Variants in ZNF407 observed in about 807,000 individuals in gnomAD.
ZNF407 encodes the protein zinc finger protein 407.
Under a neutral mutation model 131.2 loss-of-function variants are expected in ZNF407, and 17 were observed. That is an observed-to-expected ratio of 0.13 (90% confidence interval 0.09 to 0.19). The LOEUF (loss-of-function observed/expected upper bound fraction) is 0.19. ZNF407 is among the 10% of genes least tolerant of loss of function. ZNF407 has a pLI of 1.00. For synonymous variants in ZNF407, 1,156 were observed against 1,062.0 expected, an observed-to-expected ratio of 1.09 and a Z score of -1.72; for missense variants, 2,681 against 2,830.6, an observed-to-expected ratio of 0.95 and a Z score of 1.20.
At chr18:74,989,483 C>T (rs991195536) in intron 8 of ZNF407, among the ~76,000 whole-genome samples, 1 of 152,198 alleles carries the variant, frequency 6.6e-6, no homozygotes, top group African/African-American at 2.4e-5. Context: ...CGAGAAAGGG[C>T]ACATGCCAAG....
intron 7 of ZNF407, among the ~76,000 whole-genome samples, chr18:74,917,073 T>C (rs1027352218): frequency 1.3e-5 from 2 of 152,118 alleles, no homozygotes; most frequent in African/African-American, 2.4e-5. Flanking sequence ...TTGTTTGTTT[T>C]TGTTTTAGTG....
At chr18:74,886,220 G>A (rs895976349) in intron 6 of ZNF407, among the ~76,000 whole-genome samples, 5 of 152,080 alleles carry the variant, frequency 3.3e-5, no homozygotes, top group Admixed American at 1.3e-4. Flanking sequence ...AAAGATCCTC[G>A]GCACCCTCGG....
intron 3 of ZNF407, among the ~76,000 whole-genome samples, chr18:74,773,509 G>C (rs1307305000): frequency 6.7e-6 from 1 of 148,506 alleles, no homozygotes; most frequent in African/African-American, 2.6e-5. Context: ...GTGATCAAAA[G>C]TGGTTTGGAA....
intron 4 of ZNF407, chr18:74,804,519 A>G (rs1262030903): frequency 2.0e-6 from 2 of 988,032 alleles, no homozygotes; most frequent in African/African-American, 1.7e-5. Context: ...CTCAGATGCA[A>G]AAATACCAGG....
chr18:74,811,492 A>C (rs1395488644), intron 4 of ZNF407, among the ~76,000 whole-genome samples: 3 of 152,184 alleles, frequency 2.0e-5, no homozygotes, highest in Non-Finnish European at 4.4e-5. Flanking sequence ...TAGTACTAGA[A>C]ATACCATTTG....
At position 74,634,379 on chromosome 18, in the gene ZNF407, A is replaced by G; in HGVS notation, c.3360A>G (p.Lys1120=). 1 of 1,613,788 alleles carries G rather than the reference A, an allele frequency of 6.2e-7. No individual in the cohort carries two copies. Among genetic ancestry groups the G allele is most frequent in the Non-Finnish European group, 8.5e-7 (1 of 1,179,880 alleles). The change falls in exon 2 of 9, where the codon AAA becomes AAG. Residue 1120 remains lysine (K), a synonymous_variant. Coordinates refer to ENST00000299687, the MANE Select transcript of ZNF407 (RefSeq NM_017757.3). ...IISGQPSDTL[K]SRNAADCSIL... is the part of the protein sequence containing the mutation. ...CAGGTCAACCATCTGATACTCTTAA[A>G]TCTAGAAATGCTGCAGATTGCTCTA...
intron 8 of ZNF407, among the ~76,000 whole-genome samples, chr18:75,032,871 A>T (rs113605807): frequency 1.5e-5 from 2 of 135,144 alleles, no homozygotes; most frequent in Non-Finnish European, 1.5e-5. Context: ...ATAGTATTAG[A>T]TAACTGAGAG....
chr18:74,847,942 T>C (rs1481675243), intron 4 of ZNF407, among the ~76,000 whole-genome samples: 1 of 152,146 alleles, frequency 6.6e-6, no homozygotes, highest in East Asian at 1.9e-4. Context: ...TTTTTTCCTC[T>C]CATGTAAGGC....
At chr18:74,768,673 T>C (rs1969296385) in intron 3 of ZNF407, among the ~76,000 whole-genome samples, 1 of 152,212 alleles carries the variant, frequency 6.6e-6, no homozygotes, top group African/African-American at 2.4e-5. Flanking sequence ...AGATTTTTCT[T>C]ACACCGTTGT....
At chr18:74,676,627 G>A (rs567565269) in intron 3 of ZNF407, among the ~76,000 whole-genome samples, 3 of 151,866 alleles carry the variant, frequency 2.0e-5, no homozygotes, top group Non-Finnish European at 4.4e-5. Flanking sequence ...GTAGAGACGG[G>A]GTTTCACCGT....
At chr18:74,859,040 T>C (rs1970900045) in intron 4 of ZNF407, among the ~76,000 whole-genome samples, 2 of 152,178 alleles carry the variant, frequency 1.3e-5, no homozygotes, top group Non-Finnish European at 2.9e-5. Flanking sequence ...AGCTCTGTAG[T>C]GGAGTTTTTA....
At chr18:74,962,476 C>T (rs1020908439) in intron 8 of ZNF407, among the ~76,000 whole-genome samples, 5 of 152,346 alleles carry the variant, frequency 3.3e-5, no homozygotes, top group South Asian at 2.1e-4. Context: ...CCACAATAGA[C>T]ATTTCCTAGG....
At chr18:74,670,853 A>T (rs530284310) in intron 3 of ZNF407, among the ~76,000 whole-genome samples, 1 of 152,198 alleles carries the variant, frequency 6.6e-6, no homozygotes, top group African/African-American at 2.4e-5. Flanking sequence ...TTTCATAGAG[A>T]TAGGGTTTTG....
At chr18:74,776,235 G>A (rs2404473) in intron 3 of ZNF407, among the ~76,000 whole-genome samples, 99,919 of 152,054 alleles carry the variant, frequency 0.66, 34,618 homozygotes, top group East Asian at 0.95. Context: ...TAAGGGGAAC[G>A]GGCCTTCATT....
chr18:74,864,298 G>A (rs766762738), intron 4 of ZNF407, among the ~76,000 whole-genome samples: 33 of 152,178 alleles, frequency 2.2e-4, no homozygotes, highest in Non-Finnish European at 4.0e-4. Flanking sequence ...AAGGTTAGTG[G>A]AAATTAGAAT....
intron 8 of ZNF407, among the ~76,000 whole-genome samples, chr18:74,998,588 C>T (rs995573677): frequency 5.3e-5 from 8 of 151,384 alleles, no homozygotes; most frequent in Non-Finnish European, 1.0e-4. Context: ...CCAAAAAACA[C>T]ATGAAGAAAT....
At chr18:74,922,490 A>G (rs1971859380) in intron 8 of ZNF407, among the ~76,000 whole-genome samples, 1 of 152,246 alleles carries the variant, frequency 6.6e-6, no homozygotes, top group African/African-American at 2.4e-5. Flanking sequence ...TTTAAAAAAA[A>G]GAAGACTGTA....
chr18:74,724,203 A>G (rs1042784407), intron 3 of ZNF407, among the ~76,000 whole-genome samples: 1 of 152,148 alleles, frequency 6.6e-6, no homozygotes, highest in African/African-American at 2.4e-5. Context: ...GTTCAAATTT[A>G]TTTTTAATTG....
At chr18:74,639,424 T>TGG (rs1984608143) in intron 2 of ZNF407, among the ~76,000 whole-genome samples, 1 of 152,204 alleles carries the variant, frequency 6.6e-6, no homozygotes, top group Non-Finnish European at 1.5e-5. Flanking sequence ...AATTGGTTCT[T>TGG]CACACACCTT....
Sources: gnomAD v4.1 joint callset for allele counts (sites outside exome capture counted in the v4.1 genomes callset) on GRCh38, gnomAD v4.1.1 for gene constraint, MANE v1.5 for transcripts, NCBI Gene and HGNC (gene_info 2026-07-23, HGNC 2026-07-21) for gene names.